Variants in NAA10 observed in about 807,000 individuals in gnomAD.
The protein encoded by NAA10 is N-alpha-acetyltransferase 10, NatA catalytic subunit, also known as N-alpha-acetyltransferase 10.
NAA10 carries 6 observed loss-of-function variants against 19.2 expected under a neutral mutation model. That is an observed-to-expected ratio of 0.31 (90% CI 0.17 to 0.62). The LOEUF is 0.62. Ranked by LOEUF, NAA10 falls within the 20% of genes least tolerant of loss-of-function variation. The pLI, the probability that NAA10 is intolerant of heterozygous loss-of-function variation, is 0.83. For missense variants in NAA10, 101 were observed against 198.4 expected (o/e 0.51, Z 2.95); for synonymous variants, 97 against 79.9 (o/e 1.21, Z -1.14).
At chrX:153,931,480 G>A in intron 6 of NAA10, 1 of 804,785 alleles carries the variant, frequency 1.2e-6, no homozygotes, top group Non-Finnish European at 1.5e-6. Context: ...CGGGCTGAGT[G>A]CAGTTAGTGT....
chrX:153,929,673 T>C lies in NAA10; in HGVS notation c.*314A>G. 2 of 346,790 alleles carry C rather than the reference T, an allele frequency of 5.8e-6. No individual in the cohort carries two copies. The highest frequency in any genetic ancestry group is 1.0e-5 in the Non-Finnish European group (2 of 198,555). 28.6% of individuals were successfully genotyped at this position (346,790 alleles called of 1,213,427 possible). On this transcript the variant is annotated 3_prime_UTR_variant, in exon 8 of 8. Transcript: ENST00000464845. ...GCTTTGAGCCTGAGCAGCCCCGGCTTGTGCCACAAAACACATTCAGCGTGG... is the reference window on the plus strand; with the variant it reads ...GCTTTGAGCCTGAGCAGCCCCGGCTCGTGCCACAAAACACATTCAGCGTGG...
In NAA10 at chrX:153,929,900, T is replaced by C; in HGVS notation, c.*87A>G. The C allele has an allele frequency of 1.3e-6, 1 of 779,738 alleles. No homozygotes were observed. The highest frequency in any genetic ancestry group is 2.0e-6 in the Non-Finnish European group (1 of 507,406). The allele number at this position is 779,738 out of a possible 1,213,427, so 64.3% of individuals were successfully genotyped here. On this transcript the variant is annotated 3_prime_UTR_variant, in exon 8 of 8. Transcript: ENST00000464845. ...CCTGGAGAAACACACCCTCTAAATG[T>C]GCGCGCGCTCACACACAAAGTTCCC...
intron 7 of NAA10, 109 bp from the exon 8 acceptor site, chrX:153,930,332 A>G (rs781898389): frequency 2.3e-5 from 17 of 728,654 alleles, no homozygotes; most frequent in Non-Finnish European, 3.5e-5. Context: ...ATAGTGAGGC[A>G]GCAGGGCTAG....
At chrX:153,931,681 T>G in intron 6 of NAA10, 1 of 896,410 alleles carries the variant, frequency 1.1e-6, no homozygotes, top group Admixed American at 5.2e-5. Flanking sequence ...TCTCCTCGAT[T>G]CTGCTCTCTC....
In NAA10 at chrX:153,933,249, A is replaced by G. The variant is rs2065176841; in HGVS notation, c.180-665T>C. On this transcript the variant is annotated intron_variant, in intron 3 of 7. Transcript: ENST00000464845. ...TGCCACGGGTTAAGGAGAGGGAGGG[A>G]TGAATGCGTGGAACACAGTGAAACT... 3.6e-5 allele frequency among the ~76,000 whole-genome samples: 4 copies of G among 112,331 alleles called. No individual in the cohort carries two copies. In the South Asian group the frequency reaches 1.5e-3, roughly 41 times the overall value.
At position 153,932,922 on chromosome X, in the gene NAA10, G is replaced by A. The variant is rs1345397375; in HGVS notation, c.180-338C>T. 21 of 284,497 alleles carry A rather than the reference G, an allele frequency of 7.4e-5. 1 individual carries two copies. The highest frequency in any genetic ancestry group is 4.4e-4 in the South Asian group (10 of 22,724). 23.4% of individuals were successfully genotyped at this position (284,497 alleles called of 1,213,427 possible). Reference sequence around the variant, plus strand: ...CAAAAAATTAGCTGGATGTGGTGGCGCATGCCTGTGGTCCCAGCTACTTGG... The same window carrying A: ...CAAAAAATTAGCTGGATGTGGTGGCACATGCCTGTGGTCCCAGCTACTTGG... On this transcript the variant is annotated intron_variant, in intron 3 of 7. Coordinates refer to ENST00000464845, the MANE Select transcript of NAA10 (RefSeq NM_003491.4).
At chrX:153,930,310 G>T in intron 7 of NAA10, 87 bp from the exon 8 acceptor site, 1 of 867,956 alleles carries the variant, frequency 1.2e-6, no homozygotes, top group Non-Finnish European at 1.7e-6. Flanking sequence ...GTCGCTGGCT[G>T]AGGAGAGGGG....
At chrX:153,932,209 C>T in intron 5 of NAA10, 94 bp from the exon 6 acceptor site, 2 of 1,166,406 alleles carry the variant, frequency 1.7e-6, no homozygotes, top group Non-Finnish European at 2.3e-6. Flanking sequence ...CCCTCCTTCC[C>T]CCCAATCCCA....
chrX:153,933,992 T>C lies in NAA10; in HGVS notation c.130A>G (p.Ile44Val). Residue 44 changes from isoleucine to valine, a missense_variant, in exon 3 of 8, where the codon ATT becomes GTT. Ile to Val is a conservative substitution (Grantham distance 29). Coordinates refer to ENST00000464845, the MANE Select transcript of NAA10 (RefSeq NM_003491.4). ...HGLSWPQLSY[I>V]AEDENGKIVG... The stretch of plus-strand genomic sequence containing the variant: ...ATCTTCCCATTCTCGTCCTCAGCAA[T>C]GTAAGAGAGCTGGTGACAGGAAAAC... 1 of 1,210,288 alleles carries C rather than the reference T, an allele frequency of 8.3e-7. No homozygotes were observed. Among genetic ancestry groups the C allele is most frequent in the Non-Finnish European group, 1.1e-6 (1 of 894,465 alleles).
At chrX:153,932,698 G>C (rs913097128) in intron 3 of NAA10, 114 bp from the exon 4 acceptor site, 4 of 729,420 alleles carry the variant, frequency 5.5e-6, no homozygotes, top group East Asian at 3.5e-5. Context: ...GACCCCAGCT[G>C]GGGGAGAGCC....
Position 153,929,815 on chromosome X carries a change from A to C in NAA10, c.*172T>G. ...CCCACCTCCAAAGCTCTTTCCTTGTACTCGGGCCTGGCAGGATGCTCTGGG... is the reference window on the plus strand; with the variant it reads ...CCCACCTCCAAAGCTCTTTCCTTGTCCTCGGGCCTGGCAGGATGCTCTGGG... On this transcript the variant is annotated 3_prime_UTR_variant, in exon 8 of 8. Coordinates refer to ENST00000464845, the MANE Select transcript of NAA10 (RefSeq NM_003491.4). 2 of 467,215 alleles carry C rather than the reference A, an allele frequency of 4.3e-6. No homozygotes were observed. The allele number at this position is 467,215 out of a possible 1,213,427, so 38.5% of individuals were successfully genotyped here. A position where few individuals can be genotyped will look rare whatever the true frequency, so the allele number is the denominator to read the frequency against.
At position 153,931,408 on chromosome X, in the gene NAA10, C is replaced by T. The variant is rs1009347; in HGVS notation, c.387-561G>A. On this transcript the variant is annotated intron_variant, in intron 6 of 7. Transcript: ENST00000464845. ...CATCTGGGTCACAGATCCCTCTTGC[C>T]AGCATCCAGCCCAGAGGCCACCGCC... The T allele has an allele frequency of 6.5e-3, 5,341 of 824,464 alleles. 217 individuals are homozygous for T. In the African/African-American group the frequency reaches 0.11, roughly 16 times the overall value. The allele number at this position is 824,464 out of a possible 1,213,427, so 67.9% of individuals were successfully genotyped here.
At position 153,929,540 on chromosome X, in the gene NAA10, G is replaced by T. The variant is rs1005542383; in HGVS notation, c.*447C>A. ...GTCCACATCTGGAGCCCACGGGTAT[G>T]CTGGGGAGCTGCTGTAGCCCGAAGC... On this transcript the variant is annotated 3_prime_UTR_variant, in exon 8 of 8. Transcript: ENST00000464845. 2 of 153,274 alleles carry T rather than the reference G, an allele frequency of 1.3e-5. No individual in the cohort carries two copies. Among genetic ancestry groups the T allele is most frequent in the East Asian group, 3.8e-4 (2 of 5,293 alleles). The allele number at this position is 153,274 out of a possible 1,213,427, so 12.6% of individuals were successfully genotyped here.
chrX:153,930,341 A>T, intron 7 of NAA10, 118 bp from the exon 8 acceptor site: 1 of 677,410 alleles, frequency 1.5e-6, no homozygotes, highest in Non-Finnish European at 2.4e-6. Context: ...CAGCAGGGCT[A>T]GGCAGGACAC....
Position 153,934,437 on chromosome X carries a change from G to A in NAA10, c.60C>T (p.Leu20=). The change falls in exon 2 of 8, where the codon CTC becomes CTT. Residue 20 remains leucine (L), a synonymous_variant. Transcript: ENST00000464845. Reference sequence around the variant, plus strand: ...TCATCTGGTAGTTCTCGGGCAGGCAGAGGAGGTTGCAGTGCTGCATGTTCA... The same window carrying A: ...TCATCTGGTAGTTCTCGGGCAGGCAAAGGAGGTTGCAGTGCTGCATGTTCA... ...DLMNMQHCNL[L]CLPENYQMKY... The A allele has an allele frequency of 3.3e-6, 4 of 1,208,341 alleles. No homozygotes were observed. The highest frequency in any genetic ancestry group is 1.7e-5 in the African/African-American group (1 of 57,878).
intron 7 of NAA10, 166 bp from the exon 8 acceptor site, chrX:153,930,389 C>A: frequency 2.0e-6 from 1 of 510,575 alleles, no homozygotes; most frequent in South Asian, 2.7e-5. Flanking sequence ...GAGCCCCAGT[C>A]CACCGCTACC....
At chrX:153,933,515 T>A (rs1227887076) in intron 3 of NAA10, 1 of 116,522 alleles carries the variant, frequency 8.6e-6, no homozygotes, top group African/African-American at 3.3e-5. Context: ...TACTGAAATA[T>A]ACAAAAATTA....
Position 153,934,975 on chromosome X carries a change from A to T in NAA10, c.-71T>A. 1.1e-6 allele frequency: 1 copy of T among 908,015 alleles called. No homozygotes were observed. The highest frequency in any genetic ancestry group is 1.4e-6 in the Non-Finnish European group (1 of 722,375). 74.8% of individuals were successfully genotyped at this position (908,015 alleles called of 1,213,427 possible). The stretch of plus-strand genomic sequence containing the variant: ...TCAGCTGCCGCCGCGCTCCGAAGCG[A>T]CGCCGGGACGGCCGGGGCTGGGACC... On this transcript the variant is annotated 5_prime_UTR_variant, in exon 1 of 8. Coordinates refer to ENST00000464845, the MANE Select transcript of NAA10 (RefSeq NM_003491.4).
rs1569546248 is a variant in NAA10 at position 153,929,914 on chromosome X, C to G, written c.*73G>C. ...CCCTCTAAATGTGCGCGCGCTCACA[C>G]ACAAAGTTCCCCAGTGCCACGGAGC... On this transcript the variant is annotated 3_prime_UTR_variant, in exon 8 of 8. Transcript: ENST00000464845. 4 of 919,048 alleles carry G rather than the reference C, an allele frequency of 4.4e-6. No individual in the cohort carries two copies. The East Asian group carries it at 1.2e-4, about 28-fold the overall frequency. 75.7% of individuals were successfully genotyped at this position (919,048 alleles called of 1,213,427 possible).
Sources: allele counts gnomAD v4.1 joint callset (sites outside exome capture counted in the v4.1 genomes callset), GRCh38; gene constraint gnomAD v4.1.1; transcripts MANE v1.5; gene names NCBI Gene and HGNC (gene_info 2026-07-23, HGNC 2026-07-21).